The following ANO2 variants were observed in gnomAD, a reference collection of about 807,000 sequenced individuals.
ANO2 encodes the protein anoctamin 2.
In ANO2, 101 loss-of-function variants were observed where a neutral mutation model predicts 124.2. The observed-to-expected ratio is 0.81, with a 90% CI of 0.69 to 0.96. The LOEUF (loss-of-function observed/expected upper bound fraction) is 0.96, where lower values mean the gene tolerates loss of function less well. Among genes scored for constraint, ANO2 ranks in the 40% least tolerant of loss-of-function variants. The pLI is 0.00. For missense variants in ANO2, 1,293 were observed against 1,274.5 expected (o/e 1.01, Z -0.22); for synonymous variants, 486 against 482.5 (o/e 1.01, Z -0.09).
chr12:5,923,247 TACACACACATAC>T (rs1213431515), intron 1 of ANO2, among the ~76,000 whole-genome samples: 716 of 42,824 alleles, frequency 0.017, 20 homozygotes, highest in Non-Finnish European at 0.025. Flanking sequence ...CACACACGCA[TACACACACATAC>T]ACACACACAC....
intron 10 of ANO2, among the ~76,000 whole-genome samples, chr12:5,761,398 T>C (rs1205023115): frequency 6.6e-6 from 1 of 152,148 alleles, no homozygotes; most frequent in Admixed American, 6.5e-5. Context: ...CAAGGGCAAA[T>C]GGCAATTTTT....
chr12:5,767,371 G>T (rs1951929218), intron 10 of ANO2, among the ~76,000 whole-genome samples: 1 of 152,186 alleles, frequency 6.6e-6, no homozygotes, highest in Non-Finnish European at 1.5e-5. Flanking sequence ...TCTCTCCTTG[G>T]TGAACCTAAG....
chr12:5,624,264 C>G (rs867703548), intron 16 of ANO2, among the ~76,000 whole-genome samples: 6 of 148,918 alleles, frequency 4.0e-5, no homozygotes, highest in African/African-American at 1.6e-4. Flanking sequence ...GAGAGAGAAA[C>G]AGACAGACAG....
intron 7 of ANO2, among the ~76,000 whole-genome samples, chr12:5,817,341 T>C (rs1427278928): frequency 6.6e-6 from 1 of 152,194 alleles, no homozygotes; most frequent in African/African-American, 2.4e-5. Flanking sequence ...GAAACTGCTG[T>C]GGGACTAGCA....
At chr12:5,857,994 G>C (rs1203008300) in intron 3 of ANO2, among the ~76,000 whole-genome samples, 1 of 152,216 alleles carries the variant, frequency 6.6e-6, no homozygotes, top group Non-Finnish European at 1.5e-5. Context: ...TGGAAGTAGA[G>C]CATAGAATTG....
chr12:5,699,863 A>G (rs1044797845), intron 14 of ANO2, among the ~76,000 whole-genome samples: 3 of 152,250 alleles, frequency 2.0e-5, no homozygotes, highest in African/African-American at 7.2e-5. Context: ...CTAATGGTAA[A>G]GGGATCAATT....
chr12:5,847,778 C>T (rs9300306), intron 4 of ANO2, among the ~76,000 whole-genome samples: 132,443 of 152,254 alleles, frequency 0.87, 59,104 homozygotes, highest in East Asian at 1. Flanking sequence ...TCTTTGCTTT[C>T]TAACTGGAAT....
At chr12:5,628,781 A>G (rs1945548182) in intron 16 of ANO2, among the ~76,000 whole-genome samples, 1 of 152,188 alleles carries the variant, frequency 6.6e-6, no homozygotes, top group African/African-American at 2.4e-5. Flanking sequence ...GTGTGCATCA[A>G]TGCACACTCA....
chr12:5,587,810 C>T (rs1943192158), intron 20 of ANO2, among the ~76,000 whole-genome samples: 1 of 152,184 alleles, frequency 6.6e-6, no homozygotes, highest in Non-Finnish European at 1.5e-5. Context: ...CCTGAGGAGG[C>T]TCCCCACCCC....
chr12:5,616,080 A>G (rs949254078), intron 16 of ANO2, among the ~76,000 whole-genome samples: 1 of 152,172 alleles, frequency 6.6e-6, no homozygotes, highest in African/African-American at 2.4e-5. Flanking sequence ...ACCAGTGGAC[A>G]ATGGTTCAGG....
At chr12:5,698,006 C>T (rs866254603) in intron 14 of ANO2, among the ~76,000 whole-genome samples, 4 of 152,230 alleles carry the variant, frequency 2.6e-5, no homozygotes, top group African/African-American at 9.6e-5. Flanking sequence ...GCCTGCCTGC[C>T]TCTGTAGACT....
At position 5,684,126 on chromosome 12, in the gene ANO2, C is replaced by T. The variant is rs182423754; in HGVS notation, c.1546-36325G>A. Among the ~76,000 whole-genome samples, 1,133 of 152,264 alleles carry T rather than the reference C, an allele frequency of 7.4e-3. 4 individuals are homozygous for T. The highest frequency in any genetic ancestry group is 0.013 in the Non-Finnish European group (886 of 68,012). On this transcript the variant is annotated intron_variant, in intron 14 of 24. Coordinates refer to ENST00000682330, the MANE Select transcript of ANO2 (RefSeq NM_001364791.2). ...AGTATATGCCCTGGGACCCTTCATG[C>T]CAGGTGTCCCTCCCACACCTCCACC...
In ANO2 at chr12:5,848,849, T is replaced by C. The variant is rs1190085033; in HGVS notation, c.633+5194A>G. On this transcript the variant is annotated intron_variant, in intron 4 of 24. Transcript: ENST00000682330. ...GAGAGTCAAAGAGCAGAAACAGCCC[T>C]AGTCTTGTACCAATTGCGCTGCCTG... Among the ~76,000 whole-genome samples the C allele has an allele frequency of 5.9e-5, 9 of 152,180 alleles. No individual in the cohort carries two copies. The East Asian group carries it at 1.7e-3, about 29-fold the overall frequency.
At chr12:5,685,102 G>A (rs938831852) in intron 14 of ANO2, among the ~76,000 whole-genome samples, 2 of 152,170 alleles carry the variant, frequency 1.3e-5, no homozygotes, top group African/African-American at 2.4e-5. Flanking sequence ...AACATCCTAT[G>A]CCCACCTTGG....
intron 10 of ANO2, among the ~76,000 whole-genome samples, chr12:5,784,226 T>C (rs920810283): frequency 3.3e-5 from 5 of 152,294 alleles, no homozygotes; most frequent in African/African-American, 1.2e-4. Context: ...AAACTCAGCT[T>C]AGCCACTGAA....
chr12:5,945,984 C>T (rs1943085093), upstream of ANO2, among the ~76,000 whole-genome samples: 1 of 152,216 alleles, frequency 6.6e-6, no homozygotes, highest in African/African-American at 2.4e-5. Context: ...GGACAGTTCA[C>T]GGACCTGGGC....
At chr12:5,896,339 A>G (rs1939789389) in intron 3 of ANO2, among the ~76,000 whole-genome samples, 1 of 152,232 alleles carries the variant, frequency 6.6e-6, no homozygotes, top group African/African-American at 2.4e-5. Context: ...AACTAATAAA[A>G]TCACACATAA....
intron 1 of ANO2, among the ~76,000 whole-genome samples, chr12:5,923,542 C>T (rs1169673598): frequency 6.6e-6 from 1 of 152,206 alleles, no homozygotes; most frequent in Admixed American, 6.5e-5. Flanking sequence ...CTCTGAACAA[C>T]TGAACAAAGG....
chr12:5,588,808 T>C (rs1021006010), intron 20 of ANO2, among the ~76,000 whole-genome samples: 3 of 152,160 alleles, frequency 2.0e-5, no homozygotes, highest in African/African-American at 7.2e-5. Context: ...GACCGGTGGG[T>C]TGCATCACTG....
Sources: gnomAD v4.1 joint callset for allele counts (sites outside exome capture counted in the v4.1 genomes callset) on GRCh38, gnomAD v4.1.1 for gene constraint, MANE v1.5 for transcripts, NCBI Gene and HGNC (gene_info 2026-07-23, HGNC 2026-07-21) for gene names.